Variants in CKAP5 observed in about 807,000 individuals in gnomAD.
CKAP5 encodes cytoskeleton-associated protein 5.
Under a neutral mutation model 232.8 loss-of-function variants are expected in CKAP5, and 27 were observed. The observed-to-expected ratio is 0.12, with a 90% CI of 0.09 to 0.16. The LOEUF is 0.16. Ranked by LOEUF, CKAP5 falls within the 10% of genes least tolerant of loss-of-function variation. The pLI, the probability that CKAP5 is intolerant of heterozygous loss-of-function variation, is 1.00. For synonymous variants in CKAP5, 785 were observed against 841.1 expected, an observed-to-expected ratio of 0.93 and a Z score of 1.16; for missense variants, 1,838 against 2,424.7, an observed-to-expected ratio of 0.76 and a Z score of 5.08.
chr11:46,842,921 C>T (rs978575985), intron 1 of CKAP5, among the ~76,000 whole-genome samples: 8 of 141,206 alleles, frequency 5.7e-5, no homozygotes, highest in African/African-American at 2.1e-4. Context: ...GAGCCGAGAT[C>T]GCGCCACCGC....
At chr11:46,783,845 AC>A (rs2065363139) in intron 17 of CKAP5, among the ~76,000 whole-genome samples, 1 of 151,646 alleles carries the variant, frequency 6.6e-6, no homozygotes, top group Non-Finnish European at 1.5e-5. Context: ...AGCTGGCATT[AC>A]AGGTGTGCAC....
At chr11:46,766,857 G>C (rs1201074580) in intron 27 of CKAP5, among the ~76,000 whole-genome samples, 1 of 152,138 alleles carries the variant, frequency 6.6e-6, no homozygotes, top group African/African-American at 2.4e-5. Context: ...AATTGCTGAT[G>C]CATCAAAATA....
At chr11:46,806,695 T>C (rs906335555) in intron 8 of CKAP5, among the ~76,000 whole-genome samples, 2 of 152,228 alleles carry the variant, frequency 1.3e-5, no homozygotes, top group Non-Finnish European at 1.5e-5. Context: ...TAGAATATAG[T>C]TGATCCTCAT....
rs1379960445 is a variant in CKAP5 at position 46,777,463 on chromosome 11, G to A, written c.2838C>T (p.Ile946=). The change falls in exon 23 of 44, where the codon ATC becomes ATT. Residue 946 remains isoleucine (I), a synonymous_variant. Transcript: ENST00000529230. Reference sequence around the variant, plus strand: ...CCTTGCTGTCTCCAAGGACTGTGATGATAGGGATGCCTAAATTTTTTACAT... The same window carrying A: ...CCTTGCTGTCTCCAAGGACTGTGATAATAGGGATGCCTAAATTTTTTACAT... ...KQHVKNLGIP[I]ITVLGDSKNN... The A allele has an allele frequency of 1.2e-6, 2 of 1,611,672 alleles. No homozygotes were observed. Among genetic ancestry groups the A allele is most frequent in the Admixed American group, 1.7e-5 (1 of 60,004 alleles).
chr11:46,828,674 A>T (rs1046159220), intron 1 of CKAP5, among the ~76,000 whole-genome samples: 2 of 152,264 alleles, frequency 1.3e-5, no homozygotes, highest in Non-Finnish European at 2.9e-5. Context: ...ATGCACACAC[A>T]AATGGATAAT....
At chr11:46,813,241 T>A (rs897679892) in intron 4 of CKAP5, among the ~76,000 whole-genome samples, 2 of 152,178 alleles carry the variant, frequency 1.3e-5, no homozygotes, top group African/African-American at 4.8e-5. Flanking sequence ...TCAGCTGACC[T>A]TTAAGATTAA....
At chr11:46,770,296 G>A (rs917295981) in intron 25 of CKAP5, 198 bp from the exon 26 acceptor site, 16 of 604,074 alleles carry the variant, frequency 2.6e-5, no homozygotes, top group Non-Finnish European at 4.4e-5. Flanking sequence ...CATTCTAGAA[G>A]GTCACAGTTT....
intron 1 of CKAP5, among the ~76,000 whole-genome samples, chr11:46,834,225 G>T (rs1939863480): frequency 6.6e-6 from 1 of 151,994 alleles, no homozygotes; most frequent in Non-Finnish European, 1.5e-5. Context: ...TGATATAAGA[G>T]TGGGCTAACT....
intron 22 of CKAP5, among the ~76,000 whole-genome samples, 163 bp downstream of exon 22, chr11:46,777,976 C>T (rs2065305273): frequency 6.6e-6 from 1 of 152,166 alleles, no homozygotes; most frequent in South Asian, 2.1e-4. Flanking sequence ...CTGCCAACTA[C>T]CATCATATCT....
At chr11:46,817,654 A>G (rs1042534984) in intron 3 of CKAP5, among the ~76,000 whole-genome samples, 2 of 152,310 alleles carry the variant, frequency 1.3e-5, no homozygotes, top group East Asian at 3.9e-4. Flanking sequence ...TTCTTGTGCA[A>G]TTAAGTCAAG....
rs778960251 is a variant in CKAP5 at position 46,776,335 on chromosome 11, G to C, written c.2911C>G (p.Gln971Glu). 4.3e-6 allele frequency: 7 copies of C among 1,613,716 alleles called. No individual in the cohort carries two copies. The African/African-American group carries it at 5.3e-5, about 12-fold the overall frequency. Reference protein sequence around the residue: ...ALATVNAWAEQTGMKEWLEGE... With the variant: ...ALATVNAWAEETGMKEWLEGE... ...TCCAGCCATTCCTTCATGCCAGTCT[G>C]TTCTGCCCAAGCATTCACAGTCGCT... Residue 971 changes from glutamine to glutamate, a missense_variant, in exon 24 of 44, where the codon CAG (glutamine) becomes GAG (glutamate). Coordinates refer to ENST00000529230, the MANE Select transcript of CKAP5 (RefSeq NM_001008938.4).
intron 1 of CKAP5, among the ~76,000 whole-genome samples, chr11:46,845,095 C>A (rs1940152359): frequency 6.6e-6 from 1 of 152,162 alleles, no homozygotes; most frequent in Non-Finnish European, 1.5e-5. Flanking sequence ...TCAGAGAAGT[C>A]AAAGTCTTCT....
Position 46,809,787 on chromosome 11 carries a change from C to T in CKAP5, c.718G>A (p.Ala240Thr), listed in dbSNP as rs772300934. The T allele has an allele frequency of 2.5e-6, 4 of 1,614,054 alleles. No individual in the cohort carries two copies. The highest frequency in any genetic ancestry group is 1.7e-5 in the Admixed American group (1 of 59,986). Reference sequence around the variant, plus strand: ...GCAGACTGTTGTTGTTCCAATTTAGCTTCTAGTTCTTGTTGGGAACGAAGA... The same window carrying T: ...GCAGACTGTTGTTGTTCCAATTTAGTTTCTAGTTCTTGTTGGGAACGAAGA... ...RFLRSQQELE[A>T]KLEQQQSAGG... Residue 240 changes from alanine to threonine, a missense_variant, in exon 6 of 44, where the codon GCT becomes ACT. Around this residue, in one of 6 missense-constraint regions of CKAP5, gnomAD observed 285 missense variants for 300.0 expected, o/e 0.95. Transcript: ENST00000529230.
Position 46,837,640 on chromosome 11 carries a change from T to C in CKAP5, c.-38+8580A>G, listed in dbSNP as rs1025572576. Among the ~76,000 whole-genome samples the C allele has an allele frequency of 3.3e-5, 5 of 152,036 alleles. No homozygotes were observed. In the South Asian group the frequency reaches 1.0e-3, roughly 32 times the overall value. ...ATGAGCCTGGAACATTTCCAGATAGTAAGGAAGTACTCAAAGATCAATACA... is the reference window on the plus strand; with the variant it reads ...ATGAGCCTGGAACATTTCCAGATAGCAAGGAAGTACTCAAAGATCAATACA... On this transcript the variant is annotated intron_variant, in intron 1 of 43. Transcript: ENST00000529230.
At chr11:46,745,249 G>A (rs1214613459) in intron 42 of CKAP5, among the ~76,000 whole-genome samples, 8 of 152,134 alleles carry the variant, frequency 5.3e-5, no homozygotes, top group Non-Finnish European at 1.5e-5. Flanking sequence ...CATTCCACAG[G>A]CCCCAAAGGT....
At chr11:46,792,205 T>TCTC (rs10666687) in intron 13 of CKAP5, among the ~76,000 whole-genome samples, 148,330 of 152,228 alleles carry the variant, frequency 0.97, 72,380 homozygotes, top group Middle Eastern at 1. Context: ...AAATAACAAA[T>TCTC]CTACTATTCT....
chr11:46,795,625 G>A lies in CKAP5; in HGVS notation c.1619C>T (p.Pro540Leu). 6.2e-7 allele frequency: 1 copy of A among 1,613,932 alleles called. No individual in the cohort carries two copies. The highest frequency in any genetic ancestry group is 2.2e-5 in the East Asian group (1 of 44,872). ...KDTKDISAPK[P>L]GPLKKAPAAK... ...AGCAGGTGCCTTTTTTAGAGGTCCT[G>A]GTTTGGGTGCAGAAATGTCCTTTGT... Residue 540 changes from proline (P) to leucine (L), a missense_variant, in exon 13 of 44, where the codon CCA (proline) becomes CTA (leucine). Physicochemically the swap from Pro to Leu is moderately conservative, Grantham distance 98. Transcript: ENST00000529230.
At chr11:46,759,719 G>GT (rs1407552316) in intron 33 of CKAP5, among the ~76,000 whole-genome samples, 25 of 152,316 alleles carry the variant, frequency 1.6e-4, no homozygotes, top group African/African-American at 5.8e-4. Context: ...AACAAACCTT[G>GT]TATTTCTATT....
chr11:46,800,461 G>A (rs530776301), intron 9 of CKAP5, among the ~76,000 whole-genome samples: 31 of 152,220 alleles, frequency 2.0e-4, no homozygotes, highest in Non-Finnish European at 3.7e-4. Flanking sequence ...AATGATGAAG[G>A]GGCTAGCAAG....
Sources: allele counts gnomAD v4.1 joint callset (sites outside exome capture counted in the v4.1 genomes callset), GRCh38; gene constraint gnomAD v4.1.1; regional missense constraint gnomAD v4.1.1; transcripts MANE v1.5; gene names NCBI Gene and HGNC (gene_info 2026-07-23, HGNC 2026-07-21).